SCML4: variants seen among roughly 807,000 people sequenced by gnomAD.
SCML4 encodes the protein sex comb on midleg-like protein 4.
Under a neutral mutation model 41.1 loss-of-function variants are expected in SCML4, and 34 were observed. The observed-to-expected ratio is 0.83, with a 90% CI of 0.63 to 1.10. The LOEUF (loss-of-function observed/expected upper bound fraction) is 1.10, where lower values mean the gene tolerates loss of function less well. Among genes scored for constraint, SCML4 ranks in the 50% least tolerant of loss-of-function variants. The pLI is 0.00. For missense variants in SCML4, 522 were observed against 534.1 expected, an observed-to-expected ratio of 0.98 and a Z score of 0.22; for synonymous variants, 214 against 220.9, an observed-to-expected ratio of 0.97 and a Z score of 0.28.
chr6:107,764,525 G>C (rs898363506), intron 2 of SCML4, among the ~76,000 whole-genome samples: 2 of 152,122 alleles, frequency 1.3e-5, no homozygotes, highest in African/African-American at 4.8e-5. Context: ...TCCAGAGAGG[G>C]GCTGAGACTG....
At chr6:107,838,427 T>C in the SCML4 span, among the ~76,000 whole-genome samples, 2 of 152,164 alleles carry the variant, frequency 1.3e-5, no homozygotes, top group Non-Finnish European at 2.9e-5. Flanking sequence ...GCACAGGAAC[T>C]TGAGCCGCAT....
chr6:107,721,945 T>C (rs1775465189), intron 5 of SCML4, among the ~76,000 whole-genome samples: 1 of 150,990 alleles, frequency 6.6e-6, no homozygotes, highest in South Asian at 2.1e-4. Flanking sequence ...GCCAACCTCA[T>C]CATCAGCGCC....
At chr6:107,733,695 C>A (rs765676302) in intron 5 of SCML4, among the ~76,000 whole-genome samples, 1 of 152,178 alleles carries the variant, frequency 6.6e-6, no homozygotes, top group Non-Finnish European at 1.5e-5. Context: ...CTGGAGGCCT[C>A]GAATGGCTGC....
the SCML4 span, among the ~76,000 whole-genome samples, chr6:107,841,459 C>T: frequency 0.09 from 13,701 of 152,214 alleles, 886 homozygotes; most frequent in Non-Finnish European, 0.14. Context: ...TAGCTTCTTC[C>T]GTCATGCACT....
chr6:107,757,598 A>G (rs190808293), intron 2 of SCML4, among the ~76,000 whole-genome samples: 3 of 152,316 alleles, frequency 2.0e-5, no homozygotes, highest in Non-Finnish European at 4.4e-5. Context: ...CCACTCGCTG[A>G]TTCTGAAGCT....
intron 6 of SCML4, chr6:107,719,012 C>T (rs1775102211): frequency 6.6e-6 from 1 of 152,258 alleles, no homozygotes; most frequent in Non-Finnish European, 1.5e-5. Flanking sequence ...ATTAAGCTAA[C>T]ACTGGGGACA....
chr6:107,723,200 A>G (rs1775606646), intron 5 of SCML4, among the ~76,000 whole-genome samples: 2 of 152,236 alleles, frequency 1.3e-5, no homozygotes, highest in South Asian at 4.1e-4. Context: ...TTATATCCCA[A>G]TAAATTTATC....
chr6:107,723,048 CAAAT>C (rs748668787), intron 5 of SCML4, among the ~76,000 whole-genome samples: 22 of 151,612 alleles, frequency 1.5e-4, no homozygotes, highest in Admixed American at 2.6e-4. Flanking sequence ...AAAAAATAAA[CAAAT>C]AAAACGTAAA....
intron 5 of SCML4, among the ~76,000 whole-genome samples, chr6:107,722,541 T>G (rs1429559016): frequency 6.6e-6 from 1 of 151,698 alleles, no homozygotes; most frequent in African/African-American, 2.4e-5. Flanking sequence ...AGCAAAAATA[T>G]GAAAAATAAA....
At chr6:107,708,043 C>G in intron 6 of SCML4, 32 bp from the exon 7 acceptor site, 1 of 1,546,256 alleles carries the variant, frequency 6.5e-7, no homozygotes, top group Non-Finnish European at 8.7e-7. Flanking sequence ...AGACCATGAG[C>G]CAGTGGGACA....
intron 1 of SCML4, among the ~76,000 whole-genome samples, chr6:107,808,940 G>T (rs931152791): frequency 1.3e-5 from 2 of 152,204 alleles, no homozygotes; most frequent in African/African-American, 4.8e-5. Context: ...AGATTATTAA[G>T]CACTAGAGTG....
intron 1 of SCML4, among the ~76,000 whole-genome samples, chr6:107,778,853 A>T (rs1034735755): frequency 6.6e-6 from 1 of 152,128 alleles, no homozygotes; most frequent in African/African-American, 2.4e-5. Flanking sequence ...AGGCTCAAAC[A>T]CTATGCTTAG....
At chr6:107,779,216 C>T (rs1562250465) in intron 1 of SCML4, among the ~76,000 whole-genome samples, 2 of 149,780 alleles carry the variant, frequency 1.3e-5, no homozygotes, top group Admixed American at 6.6e-5. Flanking sequence ...AGACACATCC[C>T]CTCAGATAGT....
intron 2 of SCML4, among the ~76,000 whole-genome samples, chr6:107,754,683 A>G (rs1252869520): frequency 6.6e-6 from 1 of 152,240 alleles, no homozygotes; most frequent in Non-Finnish European, 1.5e-5. Flanking sequence ...CAAATCACAC[A>G]AAGATACTTG....
intron 5 of SCML4, among the ~76,000 whole-genome samples, chr6:107,726,166 G>A (rs1775942511): frequency 6.6e-6 from 1 of 151,876 alleles, no homozygotes; most frequent in Non-Finnish European, 1.5e-5. Flanking sequence ...TATTTGATCA[G>A]GGACTTGTAT....
At chr6:107,752,209 T>C (rs953326236) in intron 2 of SCML4, among the ~76,000 whole-genome samples, 4 of 151,904 alleles carry the variant, frequency 2.6e-5, no homozygotes, top group Non-Finnish European at 5.9e-5. Flanking sequence ...TTTTTTGTTG[T>C]TGTTGTTTAT....
chr6:107,718,708 G>A (rs569158424), intron 6 of SCML4: 2 of 152,308 alleles, frequency 1.3e-5, no homozygotes, highest in East Asian at 3.9e-4. Flanking sequence ...TCTTACTGCT[G>A]GAAATCCTGC....
At chr6:107,826,270 A>C (rs1189972338), upstream of SCML4, among the ~76,000 whole-genome samples, 1 of 142,476 alleles carries the variant, frequency 7.0e-6, no homozygotes, top group Non-Finnish European at 1.5e-5. Flanking sequence ...AGAAAGAAAA[A>C]GAAAAGAAGA....
intron 5 of SCML4, chr6:107,743,840 T>A (rs1777811794): frequency 6.6e-6 from 1 of 152,238 alleles, no homozygotes; most frequent in Non-Finnish European, 1.5e-5. Context: ...GCAGAGAATC[T>A]AAATTTATCC....
Sources: allele counts gnomAD v4.1 joint callset (sites outside exome capture counted in the v4.1 genomes callset), GRCh38; gene constraint gnomAD v4.1.1; transcripts MANE v1.5; gene names NCBI Gene and HGNC (gene_info 2026-07-23, HGNC 2026-07-21).